The following PRIMA1 variants were observed in gnomAD, a reference collection of about 807,000 sequenced individuals.
PRIMA1 encodes proline rich membrane anchor 1, also known as proline-rich membrane anchor 1.
In PRIMA1, 7 loss-of-function variants were observed where a neutral mutation model predicts 17.5. The observed-to-expected ratio is 0.40, with a 90% CI of 0.23 to 0.75. The LOEUF (loss-of-function observed/expected upper bound fraction) is 0.75. Among genes scored for constraint, PRIMA1 ranks in the 30% least tolerant of loss-of-function variants. PRIMA1 has a pLI of 0.37. For synonymous variants in PRIMA1, 97 were observed against 77.9 expected (o/e 1.25, Z -1.29); for missense variants, 200 against 201.8 (o/e 0.99, Z 0.05).
intron 3 of PRIMA1, among the ~76,000 whole-genome samples, chr14:93,750,213 AGACAAAAAATAGTGC>A (rs2076251700): frequency 6.6e-6 from 1 of 152,034 alleles, no homozygotes; most frequent in Non-Finnish European, 1.5e-5. Flanking sequence ...TGGGATAGTG[AGACAAAAAATAGTGC>A]GACAAAAAAT....
intron 3 of PRIMA1, among the ~76,000 whole-genome samples, chr14:93,763,999 C>T (rs544192163): frequency 1.4e-3 from 218 of 152,194 alleles, no homozygotes; most frequent in Non-Finnish European, 2.6e-3. Flanking sequence ...ATTCTTCCTC[C>T]GAGAGAAGCA....
At chr14:93,745,555 C>T (rs1314676674) in intron 3 of PRIMA1, among the ~76,000 whole-genome samples, 1 of 152,216 alleles carries the variant, frequency 6.6e-6, no homozygotes, top group East Asian at 1.9e-4. Flanking sequence ...TTGCCCCACG[C>T]TCCTCAATAC....
chr14:93,759,016 A>T (rs2076309693), intron 3 of PRIMA1, among the ~76,000 whole-genome samples: 1 of 152,232 alleles, frequency 6.6e-6, no homozygotes, highest in Admixed American at 6.5e-5. Context: ...AATCTGGAAT[A>T]GCCCAAAACT....
Position 93,719,548 on chromosome 14 carries a change from G to T in PRIMA1, c.*1896C>A. On this transcript the variant is annotated 3_prime_UTR_variant, in exon 5 of 5. Coordinates refer to ENST00000393140, the MANE Select transcript of PRIMA1 (RefSeq NM_178013.4). ...CTTAGGGCTAGGGTCCTGCCCAGGG[G>T]TCTGCTTAGGGCACAGCTTGGGGGT... is the stretch of plus-strand genomic sequence containing the variant. 1 of 152,798 alleles carries T rather than the reference G, an allele frequency of 6.5e-6. No individual in the cohort carries two copies. The highest frequency in any genetic ancestry group is 1.5e-5 in the Non-Finnish European group (1 of 68,404). The allele number at this position is 152,798 out of a possible 1,614,324, so 9.5% of individuals were successfully genotyped here. A position where few individuals can be genotyped will look rare whatever the true frequency, so the allele number is the denominator to read the frequency against.
chr14:93,739,331 C>T (rs931847965), intron 3 of PRIMA1, among the ~76,000 whole-genome samples: 1 of 152,214 alleles, frequency 6.6e-6, no homozygotes, highest in African/African-American at 2.4e-5. Context: ...GGATTACAGG[C>T]ATGAGCCACT....
intron 3 of PRIMA1, among the ~76,000 whole-genome samples, chr14:93,753,501 C>T (rs1218800215): frequency 1.3e-5 from 2 of 152,126 alleles, no homozygotes; most frequent in Admixed American, 6.5e-5. Flanking sequence ...TGGCCTCTGG[C>T]CTTCTCTGAT....
At chr14:93,733,880 C>T (rs1022652843) in intron 4 of PRIMA1, among the ~76,000 whole-genome samples, 1 of 152,216 alleles carries the variant, frequency 6.6e-6, no homozygotes, top group Non-Finnish European at 1.5e-5. Context: ...CTTACAGCCC[C>T]AGCTGAGGTC....
chr14:93,769,012 C>A (rs1167875925), intron 3 of PRIMA1, among the ~76,000 whole-genome samples: 1 of 3,258 alleles, frequency 3.1e-4, no homozygotes, highest in African/African-American at 6.6e-4. Flanking sequence ...CAGGTGTGCA[C>A]CAACACAACT....
At chr14:93,768,104 C>G (rs10144631) in intron 3 of PRIMA1, among the ~76,000 whole-genome samples, 1 of 151,904 alleles carries the variant, frequency 6.6e-6, no homozygotes, top group Non-Finnish European at 1.5e-5. Flanking sequence ...AAAAAAATCT[C>G]TTTTTAAAAA....
chr14:93,754,246 A>G (rs2076277549), intron 3 of PRIMA1, among the ~76,000 whole-genome samples: 1 of 152,200 alleles, frequency 6.6e-6, no homozygotes, highest in South Asian at 2.1e-4. Flanking sequence ...AACAAGCTCA[A>G]CGAAGAGCTT....
At chr14:93,770,729 C>CA (rs1885035438) in intron 3 of PRIMA1, among the ~76,000 whole-genome samples, 1 of 152,332 alleles carries the variant, frequency 6.6e-6, no homozygotes, top group South Asian at 2.1e-4. Context: ...CCCTCCCGCG[C>CA]ACACACAGAG....
At chr14:93,759,588 G>A (rs1356752278) in intron 3 of PRIMA1, among the ~76,000 whole-genome samples, 2 of 152,196 alleles carry the variant, frequency 1.3e-5, no homozygotes, top group Non-Finnish European at 2.9e-5. Flanking sequence ...AAAAAAGAGA[G>A]CATGACGGAG....
intron 2 of PRIMA1, among the ~76,000 whole-genome samples, chr14:93,783,436 G>T (rs756999243): frequency 5.9e-5 from 9 of 152,218 alleles, no homozygotes; most frequent in Non-Finnish European, 8.8e-5. Flanking sequence ...CCACTTGGGG[G>T]TTCTGTTGAT....
At chr14:93,748,729 G>A (rs571874354) in intron 3 of PRIMA1, among the ~76,000 whole-genome samples, 6 of 152,226 alleles carry the variant, frequency 3.9e-5, no homozygotes, top group South Asian at 2.1e-4. Flanking sequence ...CTCTGTGCGC[G>A]GAGCCCAGTG....
intron 3 of PRIMA1, among the ~76,000 whole-genome samples, chr14:93,752,366 G>A (rs970479789): frequency 2.6e-5 from 4 of 152,148 alleles, no homozygotes; most frequent in African/African-American, 9.7e-5. Flanking sequence ...CCCCGCCCCC[G>A]GCAAGCCAAC....
chr14:93,721,761 T>A (rs975036161), intron 4 of PRIMA1, among the ~76,000 whole-genome samples: 1 of 152,136 alleles, frequency 6.6e-6, no homozygotes, highest in African/African-American at 2.4e-5. Context: ...TCGGGTGTCA[T>A]GAAAACCGGG....
intron 3 of PRIMA1, among the ~76,000 whole-genome samples, chr14:93,744,820 C>T (rs1157468999): frequency 3.9e-5 from 6 of 152,296 alleles, no homozygotes; most frequent in Non-Finnish European, 8.8e-5. Flanking sequence ...AGGTGAGAGG[C>T]ACCCGTGCCT....
chr14:93,788,196 C>G (rs1885582682), intron 1 of PRIMA1, among the ~76,000 whole-genome samples: 1 of 152,218 alleles, frequency 6.6e-6, no homozygotes, highest in African/African-American at 2.4e-5. Context: ...CGACTCCTGC[C>G]TGCACCCTCG....
At chr14:93,722,369 CTGGTGGTAATGGGGTGATGGTGG>C (rs1566961350) in intron 4 of PRIMA1, among the ~76,000 whole-genome samples, 5 of 22,936 alleles carry the variant, frequency 2.2e-4, no homozygotes, top group African/African-American at 5.4e-4. Flanking sequence ...AGTGGTGATG[CTGGTGGTAATGGGGTGATGGTGG>C]TAGTGGTGAT....
Sources: gnomAD v4.1 joint callset for allele counts (sites outside exome capture counted in the v4.1 genomes callset) on GRCh38, gnomAD v4.1.1 for gene constraint, MANE v1.5 for transcripts, NCBI Gene and HGNC (gene_info 2026-07-23, HGNC 2026-07-21) for gene names.